The following BIRC6 variants were observed in gnomAD, a reference collection of about 807,000 sequenced individuals.
BIRC6 encodes the protein baculoviral IAP repeat containing 6.
In BIRC6, 98 loss-of-function variants were observed where a neutral mutation model predicts 503.3. The observed-to-expected ratio is 0.19, with a 90% confidence interval of 0.17 to 0.23. The LOEUF is 0.23. BIRC6 is among the 10% of genes least tolerant of loss of function. BIRC6 has a pLI of 1.00. For synonymous variants in BIRC6, 2,240 were observed against 2,078.7 expected, an observed-to-expected ratio of 1.08 and a Z score of -2.11; for missense variants, 5,360 against 5,806.0, an observed-to-expected ratio of 0.92 and a Z score of 2.50.
At chr2:32,538,363 G>A (rs1353525048) in intron 61 of BIRC6, among the ~76,000 whole-genome samples, 1 of 152,086 alleles carries the variant, frequency 6.6e-6, no homozygotes, top group Non-Finnish European at 1.5e-5. Flanking sequence ...GTCACCGAGA[G>A]GATACAATTT....
intron 10 of BIRC6, among the ~76,000 whole-genome samples, chr2:32,427,197 CTCT>C (rs1171374617): frequency 6.6e-6 from 1 of 152,004 alleles, no homozygotes; most frequent in East Asian, 1.9e-4. Context: ...AGGTGGAATT[CTCT>C]TCTTCATGGA....
intron 9 of BIRC6, among the ~76,000 whole-genome samples, chr2:32,408,359 C>G (rs984355892): frequency 6.6e-6 from 1 of 152,190 alleles, no homozygotes; most frequent in African/African-American, 2.4e-5. Context: ...ATCCACTTGC[C>G]TCAGCCTCCC....
intron 2 of BIRC6, among the ~76,000 whole-genome samples, 168 bp from the exon 3 acceptor site, chr2:32,379,985 C>G (rs1189763133): frequency 6.6e-6 from 1 of 151,992 alleles, no homozygotes; most frequent in Admixed American, 6.6e-5. Context: ...TTTATAATAG[C>G]CCTTTAAATT....
intron 25 of BIRC6, 113 bp from the exon 26 acceptor site, chr2:32,464,952 C>T (rs917631264): frequency 2.8e-5 from 37 of 1,335,158 alleles, no homozygotes; most frequent in African/African-American, 4.5e-5. Flanking sequence ...TAAAATATTA[C>T]AGTACATACA....
intron 45 of BIRC6, among the ~76,000 whole-genome samples, chr2:32,494,014 C>A (rs1014153250): frequency 6.6e-6 from 1 of 151,892 alleles, no homozygotes; most frequent in African/African-American, 2.4e-5. Context: ...GTAAGAAAAC[C>A]TGAAAAATAG....
chr2:32,592,745 G>A (rs1269762682), intron 66 of BIRC6, among the ~76,000 whole-genome samples: 15 of 152,158 alleles, frequency 9.9e-5, no homozygotes, highest in Middle Eastern at 6.8e-3. Context: ...ACAGGCATGC[G>A]CCACCATGTC....
At chr2:32,554,789 A>G (rs1284240487) in intron 65 of BIRC6, among the ~76,000 whole-genome samples, 1 of 151,688 alleles carries the variant, frequency 6.6e-6, no homozygotes, top group Non-Finnish European at 1.5e-5. Context: ...TTTCTTTAAG[A>G]GTAGGTATTT....
At chr2:32,575,475 ACACCC>A in intron 66 of BIRC6, 109 bp downstream of exon 66, 2 of 1,034,628 alleles carry the variant, frequency 1.9e-6, no homozygotes, top group Non-Finnish European at 2.9e-6. Flanking sequence ...AAAAGCATAT[ACACCC>A]TCGGCTGGGT....
At chr2:32,549,171 A>G in intron 64 of BIRC6, 142 bp from the exon 65 acceptor site, 5 of 560,118 alleles carry the variant, frequency 8.9e-6, no homozygotes, top group Non-Finnish European at 1.4e-5. Context: ...AATTTAAACA[A>G]ATAATTATTT....
intron 1 of BIRC6, among the ~76,000 whole-genome samples, chr2:32,362,114 T>G (rs1163352390): frequency 6.6e-6 from 1 of 152,224 alleles, no homozygotes; most frequent in African/African-American, 2.4e-5. Flanking sequence ...TGACAGACTC[T>G]TAGTGGCTGT....
intron 1 of BIRC6, among the ~76,000 whole-genome samples, chr2:32,366,458 ATAT>A (rs1262137431): frequency 6.6e-6 from 1 of 152,086 alleles, no homozygotes; most frequent in African/African-American, 2.4e-5. Flanking sequence ...TGGATGTATG[ATAT>A]TATTTTTAAA....
Position 32,442,802 on chromosome 2 carries a change from A to T in BIRC6, c.4238+347A>T, listed in dbSNP as rs76351853. 3.4e-4 allele frequency among the ~76,000 whole-genome samples: 52 copies of T among 152,264 alleles called. 1 individual carries two copies. The East Asian group carries it at 9.8e-3, about 29-fold the overall frequency. ...TAAAGTGTTTTCTCTGTTATGTAAC[A>T]ATCTTACCGACTTTTTTTTGTAGCA... On this transcript the variant is annotated intron_variant, in intron 19 of 73. Coordinates refer to ENST00000421745, the MANE Select transcript of BIRC6 (RefSeq NM_016252.4).
chr2:32,422,269 C>T lies in BIRC6; in HGVS notation c.2872+6106C>T, dbSNP rs1319380498. Among the ~76,000 whole-genome samples the T allele has an allele frequency of 4.6e-5, 7 of 152,200 alleles. No homozygotes were observed. The East Asian group carries it at 1.2e-3, about 25-fold the overall frequency. On this transcript the variant is annotated intron_variant, in intron 10 of 73. Coordinates refer to ENST00000421745, the MANE Select transcript of BIRC6 (RefSeq NM_016252.4). ...TACCTTTTAAATTTGAATGACTTTA[C>T]GCTTAAGGTAATTATTGCTATGGTT...
rs774913494 is a variant in BIRC6, at chr2:32,543,221, A to G, written c.12292-20A>G. On this transcript the variant is annotated intron_variant, in intron 61 of 73. Transcript: ENST00000421745. ...GTTGAAAATGTGAATGGCCAAGCCA[A>G]CACTTTTCTTTTTCTTTAGGTGAGT... is the stretch of plus-strand genomic sequence containing the variant. The G allele has an allele frequency of 3.7e-6, 6 of 1,608,510 alleles. No homozygotes were observed. In the East Asian group the frequency reaches 1.1e-4, roughly 30 times the overall value.
Position 32,512,987 on chromosome 2 carries a change from G to T in BIRC6, c.10401G>T (p.Lys3467Asn). 6.2e-7 allele frequency: 1 copy of T among 1,613,942 alleles called. No homozygotes were observed. The highest frequency in any genetic ancestry group is 1.1e-5 in the South Asian group (1 of 91,070). The change falls in exon 54 of 74, where the codon AAG becomes AAT. Residue 3467 changes from lysine to asparagine, a missense_variant. Coordinates refer to ENST00000421745, the MANE Select transcript of BIRC6 (RefSeq NM_016252.4). ...VSDSARVAAM[K>N]RSGRMNYMCP... ...ATTCTGCAAGAGTGGCTGCTATGAA[G>T]AGAAGTGGCAGGATGAACTACATGT...
Position 32,473,093 on chromosome 2 carries a change from A to G in BIRC6, c.6593-19A>G. On this transcript the variant is annotated intron_variant, in intron 32 of 73. Transcript: ENST00000421745. ...CACATTTAACAGAATTATTAATACA[A>G]GTTTTCCTTCGCCTGTAGGTAATCA... 1 of 1,545,874 alleles carries G rather than the reference A, an allele frequency of 6.5e-7. No homozygotes were observed. Among genetic ancestry groups the G allele is most frequent in the South Asian group, 1.2e-5 (1 of 80,712 alleles).
In BIRC6 at chr2:32,470,229, A is replaced by C. The variant is rs759974392; in HGVS notation, c.6409A>C (p.Ser2137Arg). The change falls in exon 31 of 74, where the codon AGC becomes CGC. Residue 2137 changes from serine to arginine, a missense_variant. By Grantham distance (110) the Ser-to-Arg change is moderately radical. Around this residue, in one of 16 missense-constraint regions of BIRC6, gnomAD observed 2,299 missense variants for 2,267.2 expected, o/e 1.01. Coordinates refer to ENST00000421745, the MANE Select transcript of BIRC6 (RefSeq NM_016252.4). ...RSLSNSGVLE[S>R]LLNLLDNLLS... The stretch of plus-strand genomic sequence containing the variant: ...ACTTAGTAATAGTGGAGTATTAGAA[A>C]GCTTACTTAATCTCTTGGATAATTT... 2 of 1,572,682 alleles carry C rather than the reference A, an allele frequency of 1.3e-6. No homozygotes were observed. The highest frequency in any genetic ancestry group is 3.7e-5 in the Admixed American group (2 of 53,760).
chr2:32,460,209 GATAT>G (rs200872682), intron 23 of BIRC6, among the ~76,000 whole-genome samples: 6 of 95,100 alleles, frequency 6.3e-5, no homozygotes, highest in Non-Finnish European at 9.7e-5. Context: ...TATCATATAT[GATAT>G]ATATATATCT....
chr2:32,519,281 C>T (rs1173821133), intron 57 of BIRC6: 1 of 213,090 alleles, frequency 4.7e-6, no homozygotes, highest in Admixed American at 5.2e-5. Flanking sequence ...TAGCAAGATT[C>T]TAATTAATAC....
Sources: gnomAD v4.1 joint callset for allele counts (sites outside exome capture counted in the v4.1 genomes callset) on GRCh38, gnomAD v4.1.1 for gene constraint, gnomAD v4.1.1 regional missense constraint, MANE v1.5 for transcripts, NCBI Gene and HGNC (gene_info 2026-07-23, HGNC 2026-07-21) for gene names.